Variants in PIK3C2G observed in about 807,000 individuals in gnomAD.
PIK3C2G encodes the protein phosphatidylinositol-4-phosphate 3-kinase catalytic subunit type 2 gamma.
In PIK3C2G, 168 loss-of-function variants were observed where a neutral mutation model predicts 181.1. The ratio of observed to expected loss-of-function variants is 0.93; its 90% CI spans 0.82 to 1.05. The LOEUF (loss-of-function observed/expected upper bound fraction) is 1.05, where lower values mean the gene tolerates loss of function less well. PIK3C2G is among the 50% of genes least tolerant of loss of function. PIK3C2G has a pLI of 0.00. For synonymous variants in PIK3C2G, 573 were observed against 592.2 expected, an observed-to-expected ratio of 0.97 and a Z score of 0.47; for missense variants, 1,869 against 1,732.8, an observed-to-expected ratio of 1.08 and a Z score of -1.40.
At chr12:18,346,958 A>T in intron 11 of PIK3C2G, 122 bp downstream of exon 11, 1 of 521,922 alleles carries the variant, frequency 1.9e-6, no homozygotes, top group South Asian at 4.0e-5. Flanking sequence ...ATTAATCAGC[A>T]TAGTTTTATC....
chr12:18,408,027 A>T (rs552512024), intron 16 of PIK3C2G, among the ~76,000 whole-genome samples: 136 of 152,196 alleles, frequency 8.9e-4, no homozygotes, highest in Non-Finnish European at 1.6e-3. Flanking sequence ...ATTCTAAGTA[A>T]CAGAATATTT....
intron 13 of PIK3C2G, among the ~76,000 whole-genome samples, chr12:18,373,390 T>C (rs923438506): frequency 6.6e-6 from 1 of 152,212 alleles, no homozygotes; most frequent in African/African-American, 2.4e-5. Context: ...ACTGAAAATA[T>C]GCAGAATTAA....
In PIK3C2G at chr12:18,335,655, T is replaced by C. The variant is rs191402438; in HGVS notation, c.1273-2771T>C. ...ATGAATAGCACCCCATATTCTTAGT[T>C]TCCAAAATTTGGAAATGAAACTTTG... On this transcript the variant is annotated intron_variant, in intron 8 of 32. Coordinates refer to ENST00000538779, the MANE Select transcript of PIK3C2G (RefSeq NM_001288772.2). Among the ~76,000 whole-genome samples the C allele has an allele frequency of 2.0e-5, 3 of 152,256 alleles. No individual in the cohort carries two copies. In the East Asian group the frequency reaches 5.8e-4, roughly 29 times the overall value.
At chr12:18,577,010 TG>T (rs1013017264) in intron 29 of PIK3C2G, among the ~76,000 whole-genome samples, 4 of 152,340 alleles carry the variant, frequency 2.6e-5, no homozygotes, top group Admixed American at 1.3e-4. Context: ...TTGTCAGGTT[TG>T]GGCTATGTAA....
chr12:18,491,386 T>C (rs1940554111), intron 19 of PIK3C2G, 65 bp from the exon 20 acceptor site: 2 of 848,740 alleles, frequency 2.4e-6, no homozygotes, highest in Admixed American at 4.3e-5. Flanking sequence ...AAGAAAATTA[T>C]AACCTGAAGG....
intron 31 of PIK3C2G, among the ~76,000 whole-genome samples, chr12:18,636,519 C>G (rs894895176): frequency 2.0e-5 from 3 of 152,134 alleles, no homozygotes; most frequent in Non-Finnish European, 4.4e-5. Context: ...GTGTGAGCCA[C>G]TGCACCCCTG....
intron 18 of PIK3C2G, among the ~76,000 whole-genome samples, chr12:18,440,035 T>A (rs1946657170): frequency 6.6e-6 from 1 of 152,144 alleles, no homozygotes; most frequent in Admixed American, 6.6e-5. Flanking sequence ...CTACTATTTA[T>A]TAGGTGTCTC....
chr12:18,562,496 A>G (rs1023454496), intron 26 of PIK3C2G, among the ~76,000 whole-genome samples: 2 of 152,232 alleles, frequency 1.3e-5, no homozygotes, highest in Admixed American at 1.3e-4. Context: ...TTTCATCACA[A>G]GAGTTTCTTG....
intron 1 of PIK3C2G, among the ~76,000 whole-genome samples, chr12:18,263,403 T>C (rs565922647): frequency 6.6e-6 from 1 of 152,216 alleles, no homozygotes; most frequent in Non-Finnish European, 1.5e-5. Flanking sequence ...TAAATTCCAA[T>C]ACTGGATACA....
intron 30 of PIK3C2G, among the ~76,000 whole-genome samples, chr12:18,601,864 G>A (rs527449872): frequency 1.6e-4 from 25 of 152,238 alleles, no homozygotes; most frequent in African/African-American, 6.0e-4. Flanking sequence ...TACAGGGGTA[G>A]AGGAAGCAGC....
At position 18,641,364 on chromosome 12, in the gene PIK3C2G, A is replaced by G. The variant is rs143481556; in HGVS notation, c.4308+810A>G. ...TACTTTATTCAAGGGGCATCAATAG[A>G]CTCCTAACTGCTAAATCCAAAGAGC... On this transcript the variant is annotated intron_variant, in intron 32 of 32. Transcript: ENST00000538779. Among the ~76,000 whole-genome samples the G allele has an allele frequency of 1.8e-3, 276 of 151,984 alleles. 3 individuals carry two copies. The East Asian group carries it at 0.041, about 22-fold the overall frequency.
rs539040447 is a variant in PIK3C2G at position 18,571,956 on chromosome 12, T to G, written c.4011+4899T>G. 7.3e-5 allele frequency among the ~76,000 whole-genome samples: 11 copies of G among 150,790 alleles called. No individual in the cohort carries two copies. The South Asian group carries it at 1.5e-3, about 20-fold the overall frequency. ...TTCCATTCTTTTTTTAAATTTAGTATTTATTTTTCCATTTTGTCCTATGTA... is the reference window on the plus strand; with the variant it reads ...TTCCATTCTTTTTTTAAATTTAGTAGTTATTTTTCCATTTTGTCCTATGTA... On this transcript the variant is annotated intron_variant, in intron 29 of 32. Transcript: ENST00000538779.
At chr12:18,644,745 A>G (rs1950027072) in intron 32 of PIK3C2G, among the ~76,000 whole-genome samples, 1 of 152,118 alleles carries the variant, frequency 6.6e-6, no homozygotes, top group African/African-American at 2.4e-5. Flanking sequence ...TCCAAAGCTC[A>G]TGGTTACCGC....
chr12:18,405,531 T>C (rs188556117), intron 16 of PIK3C2G, among the ~76,000 whole-genome samples: 1 of 151,652 alleles, frequency 6.6e-6, no homozygotes, highest in East Asian at 1.9e-4. Flanking sequence ...CAGCAACATT[T>C]TAAGAACAGT....
chr12:18,420,005 T>C (rs1018921109), intron 16 of PIK3C2G, among the ~76,000 whole-genome samples: 2 of 152,168 alleles, frequency 1.3e-5, no homozygotes. Context: ...AGCATTCAGT[T>C]AGTTGTCTAC....
intron 26 of PIK3C2G, 140 bp downstream of exon 26, chr12:18,546,572 AG>A: frequency 1.6e-6 from 1 of 610,558 alleles, no homozygotes; most frequent in Non-Finnish European, 2.9e-6. Flanking sequence ...CCTTTCCCAA[AG>A]AGCAGAAAGG....
chr12:18,312,760 A>T (rs1410897309), intron 5 of PIK3C2G, among the ~76,000 whole-genome samples: 2 of 152,190 alleles, frequency 1.3e-5, no homozygotes, highest in African/African-American at 4.8e-5. Flanking sequence ...TCATGAACAT[A>T]CTAACATTCA....
intron 29 of PIK3C2G, among the ~76,000 whole-genome samples, chr12:18,576,895 T>G (rs931750832): frequency 6.6e-6 from 1 of 152,092 alleles, no homozygotes; most frequent in Non-Finnish European, 1.5e-5. Flanking sequence ...TAAAGGAAAG[T>G]GCTAAGGGAA....
chr12:18,685,846 GCACACA>G, the PIK3C2G span, among the ~76,000 whole-genome samples: 46 of 109,252 alleles, frequency 4.2e-4, no homozygotes, highest in African/African-American at 1.5e-3. Context: ...ACACACACGC[GCACACA>G]CACACACACA....
Sources: allele counts gnomAD v4.1 joint callset (sites outside exome capture counted in the v4.1 genomes callset), GRCh38; gene constraint gnomAD v4.1.1; transcripts MANE v1.5; gene names NCBI Gene and HGNC (gene_info 2026-07-23, HGNC 2026-07-21).